Variants in NPAS3 observed in about 807,000 individuals in gnomAD.
NPAS3 encodes the protein neuronal PAS domain protein 3.
NPAS3 carries 14 observed loss-of-function variants against 73.1 expected under a neutral mutation model. That is an observed-to-expected ratio of 0.19 (90% CI 0.13 to 0.30). The LOEUF (loss-of-function observed/expected upper bound fraction) is 0.30. Among genes scored for constraint, NPAS3 ranks in the 10% least tolerant of loss-of-function variants. The pLI is 1.00. For synonymous variants in NPAS3, 620 were observed against 541.5 expected, an observed-to-expected ratio of 1.14 and a Z score of -2.01; for missense variants, 1,096 against 1,250.0, an observed-to-expected ratio of 0.88 and a Z score of 1.86.
chr14:33,304,644 G>GA (rs2042687054), intron 3 of NPAS3, among the ~76,000 whole-genome samples: 1 of 151,830 alleles, frequency 6.6e-6, no homozygotes, highest in Admixed American at 6.6e-5. Flanking sequence ...CATATGTTCA[G>GA]AAAAAATATT....
intron 3 of NPAS3, among the ~76,000 whole-genome samples, chr14:33,218,806 G>A (rs1001255047): frequency 9.9e-5 from 15 of 152,086 alleles, no homozygotes; most frequent in African/African-American, 3.6e-4. Flanking sequence ...GCTTCAGAAA[G>A]GTCCTTTACT....
At chr14:33,510,803 A>G (rs1469358926) in intron 4 of NPAS3, among the ~76,000 whole-genome samples, 1 of 152,074 alleles carries the variant, frequency 6.6e-6, no homozygotes, top group Non-Finnish European at 1.5e-5. Context: ...GAGTGTTATT[A>G]AGATATTTAG....
intron 3 of NPAS3, among the ~76,000 whole-genome samples, chr14:33,319,837 T>C (rs143532500): frequency 4.1e-4 from 63 of 152,316 alleles, no homozygotes; most frequent in African/African-American, 1.5e-3. Flanking sequence ...TTTGCACATC[T>C]GCCTCTCCAG....
At chr14:33,405,098 G>A (rs971699970) in intron 4 of NPAS3, among the ~76,000 whole-genome samples, 1 of 152,036 alleles carries the variant, frequency 6.6e-6, no homozygotes, top group African/African-American at 2.4e-5. Flanking sequence ...CTAGTATGCT[G>A]TGCACATTGT....
chr14:33,024,363 G>T (rs2039723646), intron 1 of NPAS3, among the ~76,000 whole-genome samples: 1 of 151,912 alleles, frequency 6.6e-6, no homozygotes, highest in Non-Finnish European at 1.5e-5. Context: ...GTAGAGAAGG[G>T]GTTTTTCCAT....
At chr14:33,648,073 C>T (rs1392206840) in intron 5 of NPAS3, among the ~76,000 whole-genome samples, 2 of 152,094 alleles carry the variant, frequency 1.3e-5, no homozygotes, top group Non-Finnish European at 2.9e-5. Flanking sequence ...TTTGATTTTG[C>T]CCCCAGGTTA....
intron 3 of NPAS3, among the ~76,000 whole-genome samples, chr14:33,283,214 C>T (rs1490376326): frequency 6.6e-6 from 1 of 152,138 alleles, no homozygotes; most frequent in Non-Finnish European, 1.5e-5. Flanking sequence ...AAATGACATG[C>T]CCACGGTCAC....
intron 4 of NPAS3, among the ~76,000 whole-genome samples, chr14:33,386,808 C>T (rs1409087124): frequency 2.0e-5 from 3 of 152,114 alleles, no homozygotes; most frequent in South Asian, 2.1e-4. Context: ...CAGTGATTGA[C>T]GTTAATGAGA....
At chr14:33,133,899 T>C (rs2043733761) in intron 2 of NPAS3, among the ~76,000 whole-genome samples, 1 of 152,194 alleles carries the variant, frequency 6.6e-6, no homozygotes, top group Non-Finnish European at 1.5e-5. Flanking sequence ...CCAAAAGCTG[T>C]AGAAAACAAG....
chr14:33,318,880 T>G (rs1337589626), intron 3 of NPAS3, among the ~76,000 whole-genome samples: 1 of 152,176 alleles, frequency 6.6e-6, no homozygotes, highest in African/African-American at 2.4e-5. Flanking sequence ...TAACTACTCC[T>G]TAGAATCCGT....
intron 4 of NPAS3, among the ~76,000 whole-genome samples, chr14:33,468,578 T>C (rs10151666): frequency 0.24 from 36,360 of 152,062 alleles, 5,777 homozygotes; most frequent in African/African-American, 0.44. Context: ...ATGAAGGCAC[T>C]AATTCCAGAG....
chr14:33,211,198 A>G (rs2047021650), intron 2 of NPAS3, among the ~76,000 whole-genome samples: 1 of 152,238 alleles, frequency 6.6e-6, no homozygotes. Flanking sequence ...AATAGAAGTC[A>G]CCTCAAATGT....
intron 2 of NPAS3, among the ~76,000 whole-genome samples, chr14:33,099,579 T>G (rs1174843304): frequency 6.6e-6 from 1 of 152,204 alleles, no homozygotes; most frequent in Non-Finnish European, 1.5e-5. Context: ...AGGGAATTAC[T>G]CGATATTAAA....
intron 6 of NPAS3, among the ~76,000 whole-genome samples, chr14:33,683,697 G>A (rs1365103777): frequency 1.3e-5 from 2 of 152,306 alleles, no homozygotes; most frequent in Admixed American, 6.5e-5. Context: ...AGAACTGGCT[G>A]GAAACCATCT....
chr14:33,334,364 C>A (rs1346477738), intron 3 of NPAS3, among the ~76,000 whole-genome samples: 1 of 152,146 alleles, frequency 6.6e-6, no homozygotes, highest in Non-Finnish European at 1.5e-5. Flanking sequence ...TTCCTTCATG[C>A]CTACCTGCAG....
At chr14:33,451,297 G>A (rs894678430) in intron 4 of NPAS3, among the ~76,000 whole-genome samples, 2 of 152,130 alleles carry the variant, frequency 1.3e-5, no homozygotes, top group South Asian at 4.1e-4. Context: ...TAAAAAGTAG[G>A]TTCTTGAGTT....
At chr14:33,350,562 A>T (rs2044988797) in intron 3 of NPAS3, among the ~76,000 whole-genome samples, 1 of 152,240 alleles carries the variant, frequency 6.6e-6, no homozygotes, top group Non-Finnish European at 1.5e-5. Flanking sequence ...TCAAGAAGGG[A>T]TCACGCCTCT....
intron 2 of NPAS3, among the ~76,000 whole-genome samples, chr14:33,178,986 T>C (rs2139427666): frequency 6.6e-6 from 1 of 152,314 alleles, no homozygotes; most frequent in East Asian, 1.9e-4. Flanking sequence ...TAGAAAATCC[T>C]TTTTTAGTCC....
At chr14:33,485,954 G>A (rs951233303) in intron 4 of NPAS3, among the ~76,000 whole-genome samples, 1 of 151,928 alleles carries the variant, frequency 6.6e-6, no homozygotes, top group African/African-American at 2.4e-5. Flanking sequence ...GAATGTGAGT[G>A]GCCGCCTGCA....
Sources: gnomAD v4.1 joint callset for allele counts (sites outside exome capture counted in the v4.1 genomes callset) on GRCh38, gnomAD v4.1.1 for gene constraint, MANE v1.5 for transcripts, NCBI Gene and HGNC (gene_info 2026-07-23, HGNC 2026-07-21) for gene names.